The following PLAUR variants were observed in gnomAD, a reference collection of about 807,000 sequenced individuals.
PLAUR encodes plasminogen activator, urokinase receptor, also known as urokinase plasminogen activator surface receptor.
In PLAUR, 22 loss-of-function variants were observed where a neutral mutation model predicts 33.4. That is an observed-to-expected ratio of 0.66 (90% confidence interval 0.47 to 0.94). The LOEUF is 0.94. Ranked by LOEUF, PLAUR falls within the 40% of genes least tolerant of loss-of-function variation. The pLI, the probability that PLAUR is intolerant of heterozygous loss-of-function variation, is 0.00. For missense variants in PLAUR, 408 were observed against 434.7 expected, an observed-to-expected ratio of 0.94 and a Z score of 0.55; for synonymous variants, 148 against 167.3, an observed-to-expected ratio of 0.88 and a Z score of 0.89.
intron 6 of PLAUR, chr19:43,651,797 C>G: frequency 1.0e-6 from 1 of 994,784 alleles, no homozygotes; most frequent in Non-Finnish European, 1.2e-6. Flanking sequence ...CACTGGAATA[C>G]AGAGACCTTT....
At chr19:43,658,301 G>A (rs1238625895) in intron 3 of PLAUR, among the ~76,000 whole-genome samples, 1 of 152,170 alleles carries the variant, frequency 6.6e-6, no homozygotes, top group Non-Finnish European at 1.5e-5. Flanking sequence ...AGCTACCTTA[G>A]GAGCCTTCAG....
intron 6 of PLAUR, among the ~76,000 whole-genome samples, chr19:43,651,439 T>A (rs1174727982): frequency 6.8e-6 from 1 of 146,818 alleles, no homozygotes; most frequent in Non-Finnish European, 1.5e-5. Flanking sequence ...AATAAAGAGT[T>A]TTTTTTTTTT....
At chr19:43,662,962 A>T (rs1026555743) in intron 3 of PLAUR, among the ~76,000 whole-genome samples, 2 of 152,126 alleles carry the variant, frequency 1.3e-5, no homozygotes, top group Non-Finnish European at 2.9e-5. Flanking sequence ...AAGTGTTGGG[A>T]TTACAGGCGT....
At chr19:43,659,710 A>G (rs1010720938) in intron 3 of PLAUR, among the ~76,000 whole-genome samples, 1 of 152,138 alleles carries the variant, frequency 6.6e-6, no homozygotes, top group Non-Finnish European at 1.5e-5. Flanking sequence ...AGGCGGCCCC[A>G]TCCAGTCCCC....
intron 3 of PLAUR, chr19:43,656,848 C>G (rs1974235565): frequency 2.3e-6 from 1 of 435,728 alleles, no homozygotes; most frequent in Non-Finnish European, 4.1e-6. Context: ...TCCTTCAACT[C>G]CAGCTACCTC....
rs772985479 is a variant in PLAUR at position 43,656,466 on chromosome 19, G to A, written c.472+13C>T. The A allele has an allele frequency of 1.1e-5, 17 of 1,570,762 alleles. No homozygotes were observed. The highest frequency in any genetic ancestry group is 4.6e-5 in the East Asian group (2 of 43,936). On this transcript the variant is annotated intron_variant, in intron 4 of 6. Coordinates refer to ENST00000340093, the MANE Select transcript of PLAUR (RefSeq NM_002659.4). ...GAGCAGGGAGGAGGAGTTGCCAGCA[G>A]GTTGGGGCTCACCTTCTTCACCTTC...
At position 43,667,694 on chromosome 19, in the gene PLAUR, G is replaced by T; in HGVS notation, c.56-3C>A. ...CATGCACCGCAGGCCCCAAGAGGCT[G>T]GGGGAAGGAGGGAGAGGAGAGGAGA... On this transcript the variant is annotated splice_polypyrimidine_tract_variant and splice_region_variant and intron_variant, in intron 1 of 6. Coordinates refer to ENST00000340093, the MANE Select transcript of PLAUR (RefSeq NM_002659.4). 1 of 1,612,938 alleles carries T rather than the reference G, an allele frequency of 6.2e-7. No homozygotes were observed. The highest frequency in any genetic ancestry group is 1.1e-5 in the South Asian group (1 of 91,066).
intron 1 of PLAUR, chr19:43,667,958 T>A: frequency 7.6e-7 from 1 of 1,318,728 alleles, no homozygotes; most frequent in South Asian, 1.6e-5. Context: ...TTTCATTCTG[T>A]CCTCGTGAGG....
chr19:43,652,633 G>A (rs1163013517), intron 5 of PLAUR, among the ~76,000 whole-genome samples: 1 of 152,094 alleles, frequency 6.6e-6, no homozygotes. Context: ...AACTGTCCTT[G>A]CTCTCACAAA....
downstream of PLAUR, among the ~76,000 whole-genome samples, chr19:43,646,810 T>TG (rs200482457): frequency 3.7e-5 from 5 of 134,226 alleles, no homozygotes; most frequent in East Asian, 8.8e-4. Context: ...TTTTTTTTTT[T>TG]TGGGGATAGT....
chr19:43,664,467 G>A (rs1967140563), intron 3 of PLAUR, among the ~76,000 whole-genome samples: 1 of 152,180 alleles, frequency 6.6e-6, no homozygotes, highest in South Asian at 2.1e-4. Context: ...TTCTTAAAAT[G>A]ATCAGAGCCT....
intron 3 of PLAUR, among the ~76,000 whole-genome samples, chr19:43,658,607 C>T (rs1974306508): frequency 6.6e-6 from 1 of 152,154 alleles, no homozygotes; most frequent in Non-Finnish European, 1.5e-5. Flanking sequence ...CCTGGAAACA[C>T]CAGAGTCATT....
chr19:43,656,941 CTTT>C (rs113667043), intron 3 of PLAUR: 109 of 148,504 alleles, frequency 7.3e-4, no homozygotes, highest in South Asian at 1.8e-3. Context: ...CATTTCTTTC[CTTT>C]TTTTTTTTTT....
chr19:43,652,318 C>T lies in PLAUR; in HGVS notation c.661G>A (p.Gly221Arg), dbSNP rs542078792. 713 of 1,613,986 alleles carry T rather than the reference C, an allele frequency of 4.4e-4. 15 individuals are homozygous for T. In the South Asian group the frequency reaches 7.2e-3, roughly 16 times the overall value. The change falls in exon 6 of 7, where the codon GGG (glycine) becomes AGG (arginine). Residue 221 changes from glycine (G) to arginine (R), a missense_variant. Coordinates refer to ENST00000340093, the MANE Select transcript of PLAUR (RefSeq NM_002659.4). Reference protein sequence around the residue: ...QNGRQCYSCKGNSTHGCSSEE... With the variant: ...QNGRQCYSCKRNSTHGCSSEE... ...GAGGAGCATCCATGGGTGCTGTTCC[C>T]CTTGCAGCTGTAACACTGGCGGCCA...
chr19:43,655,459 G>A lies in PLAUR; in HGVS notation c.587C>T (p.Thr196Ile). 6.2e-7 allele frequency: 1 copy of A among 1,614,176 alleles called. No individual in the cohort carries two copies. Among genetic ancestry groups the A allele is most frequent in the South Asian group, 1.1e-5 (1 of 91,086 alleles). Reference protein sequence around the residue: ...TFHFLKCCNTTKCNEGPILEL... With the variant: ...TFHFLKCCNTIKCNEGPILEL... ...CTTACTTGGGCCCTCGTTGCATTTG[G>A]TGGTGTTGCAGCATTTCAGGAAGTG... Residue 196 changes from threonine to isoleucine, a missense_variant, in exon 5 of 7, where the codon ACC (threonine) becomes ATC (isoleucine). Coordinates refer to ENST00000340093, the MANE Select transcript of PLAUR (RefSeq NM_002659.4).
intron 1 of PLAUR, 91 bp from the exon 2 acceptor site, chr19:43,667,782 G>T: frequency 1.3e-6 from 2 of 1,531,472 alleles, no homozygotes; most frequent in Non-Finnish European, 1.8e-6. Context: ...CCAACACCAA[G>T]TCTCCAGGCC....
chr19:43,651,856 C>T, intron 6 of PLAUR: 6 of 1,030,146 alleles, frequency 5.8e-6, no homozygotes, highest in Non-Finnish European at 7.0e-6. Context: ...CAAATCCCCA[C>T]AACCCACGAG....
chr19:43,650,698 T>A (rs1216272053), intron 6 of PLAUR, among the ~76,000 whole-genome samples: 2 of 152,112 alleles, frequency 1.3e-5, no homozygotes, highest in African/African-American at 4.8e-5. Flanking sequence ...GTGTAATGAG[T>A]TTTTATTGTT....
At chr19:43,655,598 C>A in intron 4 of PLAUR, 25 bp from the exon 5 acceptor site, 1 of 1,603,076 alleles carries the variant, frequency 6.2e-7, no homozygotes. Context: ...GGACAGAGGT[C>A]AGATGTCAGA....
Sources: allele counts gnomAD v4.1 joint callset (sites outside exome capture counted in the v4.1 genomes callset), GRCh38; gene constraint gnomAD v4.1.1; transcripts MANE v1.5; gene names NCBI Gene and HGNC (gene_info 2026-07-23, HGNC 2026-07-21).